Variants in PLCB4 observed in about 807,000 individuals in gnomAD.
PLCB4 encodes phospholipase C beta 4, also known as 1-phosphatidylinositol 4,5-bisphosphate phosphodiesterase beta-4.
A neutral mutation model predicts 178.8 loss-of-function variants in PLCB4; 77 were observed. That is an observed-to-expected ratio of 0.43 (90% CI 0.36 to 0.52). The LOEUF is 0.52. Ranked by LOEUF, PLCB4 falls within the 20% of genes least tolerant of loss-of-function variation. The pLI is 0.00. For missense variants in PLCB4, 1,024 were observed against 1,453.4 expected, an observed-to-expected ratio of 0.70 and a Z score of 4.80; for synonymous variants, 496 against 490.8, an observed-to-expected ratio of 1.01 and a Z score of -0.14.
At chr20:9,398,998 C>CT (rs1277777691) in intron 19 of PLCB4, among the ~76,000 whole-genome samples, 1 of 152,092 alleles carries the variant, frequency 6.6e-6, no homozygotes. Context: ...TGCAAAAATA[C>CT]TTTTTTAAAA....
At chr20:9,178,947 T>C (rs1213887777) in intron 2 of PLCB4, among the ~76,000 whole-genome samples, 3 of 152,192 alleles carry the variant, frequency 2.0e-5, no homozygotes, top group African/African-American at 7.2e-5. Context: ...TACATTTAGG[T>C]ATATCTAACA....
chr20:9,302,871 T>C lies in PLCB4; in HGVS notation c.-15-4929T>C, dbSNP rs534024049. 3.3e-5 allele frequency among the ~76,000 whole-genome samples: 5 copies of C among 152,218 alleles called. No homozygotes were observed. The East Asian group carries it at 9.7e-4, about 29-fold the overall frequency. Reference sequence around the variant, plus strand: ...GTAAAAAGCTTTTTTTTTTTATTTTTATTTTTGATATAAACTTTTTGTATC... The same window carrying C: ...GTAAAAAGCTTTTTTTTTTTATTTTCATTTTTGATATAAACTTTTTGTATC... On this transcript the variant is annotated intron_variant, in intron 3 of 39. Transcript: ENST00000378473.
At chr20:9,248,227 G>C (rs2094144976) in intron 3 of PLCB4, among the ~76,000 whole-genome samples, 1 of 152,056 alleles carries the variant, frequency 6.6e-6, no homozygotes, top group South Asian at 2.1e-4. Context: ...GTGTATGTGT[G>C]TTTATCCATG....
At chr20:9,246,100 A>G (rs1214497063) in intron 3 of PLCB4, among the ~76,000 whole-genome samples, 1 of 152,202 alleles carries the variant, frequency 6.6e-6, no homozygotes, top group Non-Finnish European at 1.5e-5. Flanking sequence ...TTCACTTAAT[A>G]TGACAAAACA....
At chr20:9,264,197 A>G (rs1219597127) in intron 3 of PLCB4, among the ~76,000 whole-genome samples, 1 of 152,168 alleles carries the variant, frequency 6.6e-6, no homozygotes, top group Non-Finnish European at 1.5e-5. Flanking sequence ...TCGGACTTTG[A>G]AGTCTAAAAA....
chr20:9,186,304 T>C (rs1005652565), intron 2 of PLCB4, among the ~76,000 whole-genome samples: 1 of 152,216 alleles, frequency 6.6e-6, no homozygotes, highest in Non-Finnish European at 1.5e-5. Context: ...TTTTAAAAAA[T>C]AGTATTTGTC....
rs548245481 is a variant in PLCB4, at chr20:9,361,010, T to C, written c.370-1886T>C. Among the ~76,000 whole-genome samples the C allele has an allele frequency of 2.0e-5, 3 of 152,328 alleles. No individual in the cohort carries two copies. In the East Asian group the frequency reaches 5.8e-4, roughly 29 times the overall value. On this transcript the variant is annotated intron_variant, in intron 7 of 39. Coordinates refer to ENST00000378473, the MANE Select transcript of PLCB4 (RefSeq NM_001377142.1). ...AGAAAATATCAAGTGTTGTTGAGGA[T>C]GTAGACAAATTAGAACCCTGAGCAA...
intron 2 of PLCB4, among the ~76,000 whole-genome samples, chr20:9,098,222 G>A (rs1345673276): frequency 6.6e-6 from 1 of 152,142 alleles, no homozygotes; most frequent in East Asian, 1.9e-4. Context: ...ATAGAATGAT[G>A]ACTGCAAAAG....
intron 2 of PLCB4, among the ~76,000 whole-genome samples, chr20:9,169,505 G>T (rs535246519): frequency 3.3e-5 from 5 of 151,538 alleles, no homozygotes; most frequent in African/African-American, 1.2e-4. Flanking sequence ...CAGGAGAATC[G>T]CTTGAAACGG....
chr20:9,453,529 G>C, intron 33 of PLCB4, 67 bp downstream of exon 33: 3 of 933,596 alleles, frequency 3.2e-6, no homozygotes, highest in African/African-American at 1.6e-5. Flanking sequence ...CCACAGTTTT[G>C]CTGCTGTTTA....
intron 4 of PLCB4, among the ~76,000 whole-genome samples, chr20:9,314,416 A>G (rs2094875482): frequency 6.6e-6 from 1 of 152,152 alleles, no homozygotes; most frequent in African/African-American, 2.4e-5. Flanking sequence ...GTAGGAATAA[A>G]TGAGAAGATT....
intron 2 of PLCB4, among the ~76,000 whole-genome samples, chr20:9,107,093 A>G (rs1021397702): frequency 4.6e-5 from 7 of 152,146 alleles, no homozygotes; most frequent in African/African-American, 1.2e-4. Flanking sequence ...GTCATGGCCA[A>G]TCTTGTCCCT....
chr20:9,399,244 G>A (rs1351202529), intron 19 of PLCB4, among the ~76,000 whole-genome samples: 1 of 152,190 alleles, frequency 6.6e-6, no homozygotes, highest in Non-Finnish European at 1.5e-5. Flanking sequence ...ATAACCACAT[G>A]ATTTAGTATC....
intron 32 of PLCB4, among the ~76,000 whole-genome samples, chr20:9,447,839 T>C (rs1477738392): frequency 6.6e-6 from 1 of 152,204 alleles, no homozygotes; most frequent in Non-Finnish European, 1.5e-5. Context: ...TAATTTTTCT[T>C]CTCTTCACAC....
intron 30 of PLCB4, among the ~76,000 whole-genome samples, chr20:9,437,847 G>T (rs1052147337): frequency 7.2e-5 from 11 of 152,186 alleles, no homozygotes; most frequent in African/African-American, 2.7e-4. Context: ...TCATGCTTCT[G>T]TTATAACACA....
chr20:9,205,928 TTG>T (rs1198887244), intron 2 of PLCB4, among the ~76,000 whole-genome samples: 1 of 152,192 alleles, frequency 6.6e-6, no homozygotes, highest in African/African-American at 2.4e-5. Flanking sequence ...TGCATTCAAG[TTG>T]TGTTATCAAT....
At chr20:9,385,590 T>TG (rs2037544820) in intron 14 of PLCB4, among the ~76,000 whole-genome samples, 1 of 118,246 alleles carries the variant, frequency 8.5e-6, no homozygotes, top group African/African-American at 3.3e-5. Context: ...ACGGGGCGGC[T>TG]GGCAGAGGCG....
intron 25 of PLCB4, among the ~76,000 whole-genome samples, chr20:9,415,642 G>T (rs1017698050): frequency 1.6e-4 from 25 of 152,120 alleles, no homozygotes; most frequent in Admixed American, 1.5e-3. Context: ...TGTGCCTACC[G>T]CACAGACCTA....
At chr20:9,326,017 C>A (rs745837472) in intron 4 of PLCB4, among the ~76,000 whole-genome samples, 134 of 151,892 alleles carry the variant, frequency 8.8e-4, no homozygotes, top group Non-Finnish European at 1.8e-3. Context: ...TGTCTTCACA[C>A]GGTGGGTGAA....
Sources: allele counts gnomAD v4.1 joint callset (sites outside exome capture counted in the v4.1 genomes callset), GRCh38; gene constraint gnomAD v4.1.1; transcripts MANE v1.5; gene names NCBI Gene and HGNC (gene_info 2026-07-23, HGNC 2026-07-21).